Variants in TSHZ2 observed in about 807,000 individuals in gnomAD.
TSHZ2 encodes the protein teashirt homolog 2.
TSHZ2 carries 21 observed loss-of-function variants against 74.4 expected under a neutral mutation model. The ratio of observed to expected loss-of-function variants is 0.28; its 90% CI spans 0.20 to 0.41. The LOEUF is 0.41. Among genes scored for constraint, TSHZ2 ranks in the 10% least tolerant of loss-of-function variants. The pLI is 1.00. For synonymous variants in TSHZ2, 540 were observed against 515.3 expected, an observed-to-expected ratio of 1.05 and a Z score of -0.65; for missense variants, 1,244 against 1,293.5, an observed-to-expected ratio of 0.96 and a Z score of 0.59.
chr20:53,340,079 G>A (rs1275268788), intron 2 of TSHZ2, among the ~76,000 whole-genome samples: 1 of 151,714 alleles, frequency 6.6e-6, no homozygotes, highest in African/African-American at 2.4e-5. Flanking sequence ...GATTTTTGGT[G>A]TGATCATCTC....
chr20:53,211,515 A>G (rs1470681228), intron 1 of TSHZ2, among the ~76,000 whole-genome samples: 1 of 152,170 alleles, frequency 6.6e-6, no homozygotes, highest in Non-Finnish European at 1.5e-5. Flanking sequence ...GAAATAAAAA[A>G]AAAAAAGTAA....
At chr20:53,444,349 C>CCACTGG (rs899298748) in intron 2 of TSHZ2, among the ~76,000 whole-genome samples, 7 of 152,266 alleles carry the variant, frequency 4.6e-5, no homozygotes, top group Admixed American at 6.5e-5. Flanking sequence ...AGTGAGAGAG[C>CCACTGG]CACTGGTGGC....
intron 2 of TSHZ2, among the ~76,000 whole-genome samples, chr20:53,311,648 T>C (rs13039149): frequency 0.11 from 16,385 of 152,258 alleles, 935 homozygotes; most frequent in South Asian, 0.12. Context: ...AGAAAACAAC[T>C]TGGCCACATG....
chr20:53,467,096 G>A (rs1016453144), intron 2 of TSHZ2, among the ~76,000 whole-genome samples: 5 of 152,210 alleles, frequency 3.3e-5, no homozygotes, highest in Non-Finnish European at 7.3e-5. Context: ...AGGTAGTACT[G>A]AGGAAGGCAG....
At chr20:53,001,214 G>GTGTGTGTGTGTGTGTGTGTGTGTATA (rs1568713413) in intron 1 of TSHZ2, among the ~76,000 whole-genome samples, 124 of 125,968 alleles carry the variant, frequency 9.8e-4, no homozygotes, top group African/African-American at 3.8e-3. Flanking sequence ...GCGTGTGTGT[G>GTGTGTGTGTGTGTGTGTGTGTGTATA]TGTGTGTGTG....
intron 1 of TSHZ2, among the ~76,000 whole-genome samples, chr20:53,247,030 C>T (rs563146911): frequency 4.5e-4 from 68 of 152,212 alleles, no homozygotes; most frequent in Non-Finnish European, 9.1e-4. Flanking sequence ...CTCATGGGCT[C>T]AGGATGGCCC....
chr20:53,341,948 T>A (rs1216871985), intron 2 of TSHZ2, among the ~76,000 whole-genome samples: 1 of 152,168 alleles, frequency 6.6e-6, no homozygotes. Context: ...TGAGCTCAGT[T>A]GATCCACCCA....
At chr20:53,018,354 C>A (rs1950889) in intron 1 of TSHZ2, among the ~76,000 whole-genome samples, 81,709 of 152,048 alleles carry the variant, frequency 0.54, 22,831 homozygotes, top group East Asian at 0.75. Flanking sequence ...AACCATTACC[C>A]GTTTTCAGGG....
chr20:53,075,131 A>G (rs191410026), intron 1 of TSHZ2, among the ~76,000 whole-genome samples: 8 of 152,358 alleles, frequency 5.3e-5, no homozygotes, highest in African/African-American at 2.4e-5. Context: ...TTCTATCCCA[A>G]CGATAGATCA....
intron 1 of TSHZ2, among the ~76,000 whole-genome samples, chr20:53,012,962 T>C (rs1982908458): frequency 6.6e-6 from 1 of 152,174 alleles, no homozygotes; most frequent in Admixed American, 6.5e-5. Context: ...GACATTAAAC[T>C]AAAACAAGAC....
At chr20:53,118,734 A>T (rs1217434939) in intron 1 of TSHZ2, among the ~76,000 whole-genome samples, 3 of 152,300 alleles carry the variant, frequency 2.0e-5, no homozygotes, top group South Asian at 4.1e-4. Flanking sequence ...GCCACCACTC[A>T]CAATAGCCAT....
intron 1 of TSHZ2, among the ~76,000 whole-genome samples, chr20:52,974,376 G>A (rs1203033843): frequency 2.0e-5 from 3 of 152,136 alleles, no homozygotes; most frequent in Non-Finnish European, 4.4e-5. Flanking sequence ...TGCCAGTGAC[G>A]CAAACCTTGC....
At chr20:53,341,424 A>G (rs1224166461) in intron 2 of TSHZ2, among the ~76,000 whole-genome samples, 2 of 152,092 alleles carry the variant, frequency 1.3e-5, no homozygotes, top group Non-Finnish European at 2.9e-5. Flanking sequence ...ATAATCACAG[A>G]AGGAGGAACA....
chr20:53,410,707 G>C (rs897851704), intron 2 of TSHZ2, among the ~76,000 whole-genome samples: 1 of 143,932 alleles, frequency 6.9e-6, no homozygotes, highest in Admixed American at 7.1e-5. Flanking sequence ...ACGGAGTCTC[G>C]CTCTGTCACC....
intron 2 of TSHZ2, among the ~76,000 whole-genome samples, chr20:53,258,273 C>T (rs570412124): frequency 6.2e-4 from 95 of 152,210 alleles, no homozygotes; most frequent in African/African-American, 2.2e-3. Context: ...GAATTCACAC[C>T]TGAGCTTGGG....
chr20:53,447,406 A>G lies in TSHZ2; in HGVS notation c.*9-39738A>G, dbSNP rs147203865. On this transcript the variant is annotated intron_variant, in intron 2 of 2. Coordinates refer to ENST00000371497, the MANE Select transcript of TSHZ2 (RefSeq NM_173485.6). ...TATTTTGAAATACTTTTAGACTTCAAGATAGTTGCAAAAAATCGCAGTTTA... is the reference window on the plus strand; with the variant it reads ...TATTTTGAAATACTTTTAGACTTCAGGATAGTTGCAAAAAATCGCAGTTTA... 5.0e-3 allele frequency among the ~76,000 whole-genome samples: 766 copies of G among 152,314 alleles called. 2 individuals carry two copies. The highest frequency in any genetic ancestry group is 0.036 in the South Asian group (175 of 4,824).
At chr20:53,088,278 C>G (rs998165671) in intron 1 of TSHZ2, among the ~76,000 whole-genome samples, 1 of 152,162 alleles carries the variant, frequency 6.6e-6, no homozygotes, top group African/African-American at 2.4e-5. Context: ...CAAAAGTGAA[C>G]AGAATGTACA....
chr20:53,185,235 C>T (rs772129407), intron 1 of TSHZ2: 9 of 991,076 alleles, frequency 9.1e-6, no homozygotes, highest in Non-Finnish European at 1.1e-5. Context: ...CCTGTTTCTC[C>T]AACCCCTGTA....
intron 1 of TSHZ2, among the ~76,000 whole-genome samples, chr20:53,140,068 C>T (rs1987349057): frequency 6.6e-6 from 1 of 151,990 alleles, no homozygotes; most frequent in Admixed American, 6.5e-5. Flanking sequence ...AGGTACTGTT[C>T]TAGGCTCTCA....
Sources: gnomAD v4.1 joint callset for allele counts (sites outside exome capture counted in the v4.1 genomes callset) on GRCh38, gnomAD v4.1.1 for gene constraint, MANE v1.5 for transcripts, NCBI Gene and HGNC (gene_info 2026-07-23, HGNC 2026-07-21) for gene names.